Variants in ADAMTS8 observed in about 807,000 individuals in gnomAD.
ADAMTS8 encodes the protein ADAM metallopeptidase with thrombospondin type 1 motif 8, also known as A disintegrin and metalloproteinase with thrombospondin motifs 8.
Under a neutral mutation model 64.4 loss-of-function variants are expected in ADAMTS8, and 50 were observed. That is an observed-to-expected ratio of 0.78 (90% confidence interval 0.62 to 0.98). The LOEUF (loss-of-function observed/expected upper bound fraction) is 0.98. ADAMTS8 is among the 50% of genes least tolerant of loss of function. The pLI, the probability that ADAMTS8 is intolerant of heterozygous loss-of-function variation, is 0.00. For missense variants in ADAMTS8, 1,192 were observed against 1,208.2 expected, an observed-to-expected ratio of 0.99 and a Z score of 0.20; for synonymous variants, 556 against 533.6, an observed-to-expected ratio of 1.04 and a Z score of -0.58.
At chr11:130,413,271 G>A (rs1319458907) in intron 5 of ADAMTS8, among the ~76,000 whole-genome samples, 3 of 152,212 alleles carry the variant, frequency 2.0e-5, no homozygotes, top group African/African-American at 7.2e-5. Context: ...TGTGCTCTGG[G>A]ATTGGTGGCA....
At chr11:130,418,022 A>T (rs1055850235) in intron 2 of ADAMTS8, among the ~76,000 whole-genome samples, 7 of 151,378 alleles carry the variant, frequency 4.6e-5, no homozygotes, top group African/African-American at 1.7e-4. Context: ...AAAAAAAAAA[A>T]AAAAAAAATT....
chr11:130,427,859 G>GA lies in ADAMTS8; in HGVS notation c.427dup (p.Ser143PhefsTer57), dbSNP rs1862194564. ...CTGCAGGCGGTGCGGCTGAGCCAGG[G>GA]AGCCCCCCGCGCCCTGCGGCTGGAT... is the stretch of plus-strand genomic sequence containing the variant. On this transcript the variant is annotated frameshift_variant, in exon 1 of 9. Transcript: ENST00000257359. LOFTEE classifies it high-confidence loss of function. The GA allele has an allele frequency of 6.5e-7, 1 of 1,536,902 alleles. No homozygotes were observed. Among genetic ancestry groups the GA allele is most frequent in the Admixed American group, 2.0e-5 (1 of 51,120 alleles).
At chr11:130,426,316 A>T (rs1862166408) in intron 1 of ADAMTS8, among the ~76,000 whole-genome samples, 1 of 152,232 alleles carries the variant, frequency 6.6e-6, no homozygotes, top group Non-Finnish European at 1.5e-5. Flanking sequence ...TGAGAAACAG[A>T]AGGCTGATCG....
In ADAMTS8 at chr11:130,416,018, T is replaced by G. The variant is rs1592131606; in HGVS notation, c.1264+145A>C. 4 of 899,622 alleles carry G rather than the reference T, an allele frequency of 4.4e-6. No homozygotes were observed. The highest frequency in any genetic ancestry group is 6.0e-5 in the Admixed American group (2 of 33,462). The allele number at this position is 899,622 out of a possible 1,614,324, so 55.7% of individuals were successfully genotyped here. A position where few individuals can be genotyped will look rare whatever the true frequency, so the allele number is the denominator to read the frequency against. On this transcript the variant is annotated intron_variant, in intron 4 of 8. Coordinates refer to ENST00000257359, the MANE Select transcript of ADAMTS8 (RefSeq NM_007037.6). The surrounding 1 kb of genome is among the most constrained non-coding windows in gnomAD (Gnocchi z 4.8). ...GGGCCAGAAGAGCAGACTTCGGGGG[T>G]GGTGTGAATGCCCCAGCGTGGGAGG...
intron 1 of ADAMTS8, among the ~76,000 whole-genome samples, chr11:130,426,339 G>T (rs1164944967): frequency 6.6e-6 from 1 of 152,222 alleles, no homozygotes; most frequent in African/African-American, 2.4e-5. Flanking sequence ...TCCTTGTCTG[G>T]ACTATTCTGC....
Position 130,416,399 on chromosome 11 carries a change from A to C in ADAMTS8, c.1097-69T>G, listed in dbSNP as rs556553763. On this transcript the variant is annotated intron_variant, in intron 3 of 8. Transcript: ENST00000257359. This position sits in a 1 kb window ranked among gnomAD's most constrained non-coding sequence, Gnocchi z 4.8. ...GGCGCCCCACCTGGCCCAGCTAGGGACAGAGATGGAGCTCCTCAGGGGAGC... is the reference window on the plus strand; with the variant it reads ...GGCGCCCCACCTGGCCCAGCTAGGGCCAGAGATGGAGCTCCTCAGGGGAGC... 2,024 of 1,466,566 alleles carry C rather than the reference A, an allele frequency of 1.4e-3. 25 individuals are homozygous for C. In the African/African-American group the frequency reaches 0.026, roughly 19 times the overall value. 90.8% of individuals were successfully genotyped at this position (1,466,566 alleles called of 1,614,324 possible).
Position 130,414,781 on chromosome 11 carries a change from A to G in ADAMTS8, c.1316T>C (p.Leu439Pro). The G allele has an allele frequency of 1.9e-6, 3 of 1,613,078 alleles. No individual in the cohort carries two copies. The highest frequency in any genetic ancestry group is 2.5e-6 in the Non-Finnish European group (3 of 1,179,868). ...PAAALPLPTG[L>P]PGRMALYQLD... ...CTGGTACAGGGCCATGCGGCCCGGG[A>G]GGCCTGTGGGGAGGGGCAGGGCCGC... is the stretch of plus-strand genomic sequence containing the variant. The change falls in exon 5 of 9, where the codon CTC (leucine) becomes CCC (proline). Residue 439 changes from leucine to proline, a missense_variant. By Grantham distance (98) the Leu-to-Pro change is moderately conservative (BLOSUM62 -3). Around this residue, in one of 5 missense-constraint regions of ADAMTS8, gnomAD observed 741 missense variants for 710.6 expected, o/e 1.04. Transcript: ENST00000257359.
At chr11:130,413,854 T>C (rs10894195) in intron 5 of ADAMTS8, among the ~76,000 whole-genome samples, 75,788 of 152,048 alleles carry the variant, frequency 0.5, 21,726 homozygotes, top group Non-Finnish European at 0.62. Flanking sequence ...TGTCTCTGTG[T>C]TCATGACGGA....
At chr11:130,412,387 T>C (rs1456494944) in intron 5 of ADAMTS8, among the ~76,000 whole-genome samples, 2 of 152,118 alleles carry the variant, frequency 1.3e-5, no homozygotes, top group Admixed American at 1.3e-4. Context: ...CTAATTTTTG[T>C]ATTTTTAGTA....
chr11:130,428,182 C>A lies in ADAMTS8; in HGVS notation c.105G>T (p.Gly35=), dbSNP rs1005597616. The A allele has an allele frequency of 1.5e-6, 2 of 1,319,162 alleles. No individual in the cohort carries two copies. Among genetic ancestry groups the A allele is most frequent in the South Asian group, 2.2e-5 (1 of 45,044 alleles). The allele number at this position is 1,319,162 out of a possible 1,614,324, so 81.7% of individuals were successfully genotyped here. A position where few individuals can be genotyped will look rare whatever the true frequency, so the allele number is the denominator to read the frequency against. Residue 35 remains glycine (G), a synonymous_variant, in exon 1 of 9, where the codon GGG becomes GGT. Coordinates refer to ENST00000257359, the MANE Select transcript of ADAMTS8 (RefSeq NM_007037.6). Reference sequence around the variant, plus strand: ...TGGGCACCACCAGCTCCGAGGCCTGCCCCCCGGCTGCGGGCCGGGCCGGGG... The same window carrying A: ...TGGGCACCACCAGCTCCGAGGCCTGACCCCCGGCTGCGGGCCGGGCCGGGG... ...RGAPARPAAG[G]QASELVVPTR...
chr11:130,405,581 C>T lies in ADAMTS8; in HGVS notation c.2647G>A (p.Glu883Lys), dbSNP rs775580905. 2.0e-5 allele frequency: 32 copies of T among 1,606,840 alleles called. No homozygotes were observed. The highest frequency in any genetic ancestry group is 7.7e-5 in the South Asian group (7 of 90,606). The change falls in exon 9 of 9, where the codon GAA becomes AAA. Residue 883 changes from glutamate (E) to lysine (K), a missense_variant. Transcript: ENST00000257359. Reference sequence around the variant, plus strand: ...AATCACAGGGGGCACAGCTGGCTTTCGCAGGGCTTGGCATCCTCGGGTTTC... The same window carrying T: ...AATCACAGGGGGCACAGCTGGCTTTTGCAGGGCTTGGCATCCTCGGGTTTC... ...ALKPEDAKPCESQLCPL is the reference protein window; with the variant it reads ...ALKPEDAKPCKSQLCPL
At position 130,427,569 on chromosome 11, in the gene ADAMTS8, G is replaced by T. The variant is rs1417013246; in HGVS notation, c.718C>A (p.Gln240Lys). 1 of 1,536,910 alleles carries T rather than the reference G, an allele frequency of 6.5e-7. No homozygotes were observed. The highest frequency in any genetic ancestry group is 8.7e-7 in the Non-Finnish European group (1 of 1,146,672). Reference sequence around the variant, plus strand: ...CTGGAGGAGGCTCTCAGTCCTACCTGCAGGTCGGCCCCGTAGAAGGCAGCC... The same window carrying T: ...CTGGAGGAGGCTCTCAGTCCTACCTTCAGGTCGGCCCCGTAGAAGGCAGCC... Reference protein sequence around the residue: ...SMAAFYGADLQNHILTLMSVA... With the variant: ...SMAAFYGADLKNHILTLMSVA... Residue 240 changes from glutamine (Q) to lysine (K), a missense_variant and splice_region_variant, in exon 1 of 9, where the codon CAG becomes AAG. By Grantham distance (53) the Gln-to-Lys change is moderately conservative (BLOSUM62 1). This residue lies in a region of ADAMTS8 where 741 missense variants were observed against 710.6 expected (regional missense o/e 1.04). Transcript: ENST00000257359.
rs1005899826 is a variant in ADAMTS8 at position 130,405,048 on chromosome 11, G to A, written c.*510C>T. 7.1e-6 allele frequency: 7 copies of A among 987,472 alleles called. No individual in the cohort carries two copies. The East Asian group carries it at 4.5e-4, about 64-fold the overall frequency. The allele number at this position is 987,472 out of a possible 1,614,324, so 61.2% of individuals were successfully genotyped here. A position where few individuals can be genotyped will look rare whatever the true frequency, so the allele number is the denominator to read the frequency against. ...ACCCTGCGACGCTGCGGCCCTTTAG[G>A]TGATGGATTTTAACACTGAAGACAG... On this transcript the variant is annotated 3_prime_UTR_variant, in exon 9 of 9. Coordinates refer to ENST00000257359, the MANE Select transcript of ADAMTS8 (RefSeq NM_007037.6).
intron 2 of ADAMTS8, among the ~76,000 whole-genome samples, chr11:130,417,757 A>T (rs1269998731): frequency 3.6e-4 from 55 of 152,256 alleles, no homozygotes; most frequent in Non-Finnish European, 3.5e-4. Context: ...ACGCAACAGC[A>T]GTTTCAACGT....
Position 130,408,864 on chromosome 11 carries a change from C to T in ADAMTS8, c.1827G>A (p.Gln609=), listed in dbSNP as rs763390347. ...NYTDMDGNLL[Q]WVPKYAGVSP... ...ACACCCCAGCATACTTGGGGACCCACTGCAGGAGATTCCCGTCCATGTCAG... is the reference window on the plus strand; with the variant it reads ...ACACCCCAGCATACTTGGGGACCCATTGCAGGAGATTCCCGTCCATGTCAG... The change falls in exon 7 of 9, where the codon CAG becomes CAA. Residue 609 remains glutamine (Q), a synonymous_variant. Transcript: ENST00000257359. The T allele has an allele frequency of 1.2e-6, 2 of 1,612,020 alleles. No individual in the cohort carries two copies. The highest frequency in any genetic ancestry group is 1.7e-5 in the Admixed American group (1 of 59,696).
chr11:130,419,711 A>T (rs560163753), intron 1 of ADAMTS8, among the ~76,000 whole-genome samples: 1 of 152,362 alleles, frequency 6.6e-6, no homozygotes, highest in Admixed American at 6.5e-5. Flanking sequence ...ACAAAGTTCT[A>T]CTGGACGGCA....
intron 5 of ADAMTS8, among the ~76,000 whole-genome samples, chr11:130,412,767 T>C (rs955635067): frequency 6.6e-6 from 1 of 152,232 alleles, no homozygotes; most frequent in South Asian, 2.1e-4. Context: ...GCTCTGAATA[T>C]ATCATCATAA....
intron 8 of ADAMTS8, 77 bp from the exon 9 acceptor site, chr11:130,406,205 G>A: frequency 6.6e-7 from 1 of 1,510,916 alleles, no homozygotes; most frequent in Admixed American, 2.0e-5. Context: ...GGAGACTGAA[G>A]TGGGCACCCC....
At chr11:130,409,806 GC>G (rs1861930933) in intron 6 of ADAMTS8, among the ~76,000 whole-genome samples, 2 of 152,160 alleles carry the variant, frequency 1.3e-5, no homozygotes, top group Non-Finnish European at 2.9e-5. Context: ...TGTTCTTCCT[GC>G]CAAGGTTCCC....
Sources: gnomAD v4.1 joint callset for allele counts (sites outside exome capture counted in the v4.1 genomes callset) on GRCh38, gnomAD v4.1.1 for gene constraint, gnomAD v4.1.1 regional missense constraint, Gnocchi (gnomAD v3.1) non-coding constraint, MANE v1.5 for transcripts, NCBI Gene and HGNC (gene_info 2026-07-23, HGNC 2026-07-21) for gene names.